The following IQSEC1 variants were observed in gnomAD, a reference collection of about 807,000 sequenced individuals.
IQSEC1 encodes the protein IQ motif and SEC7 domain-containing protein 1.
Under a neutral mutation model 91.0 loss-of-function variants are expected in IQSEC1, and 31 were observed. The ratio of observed to expected loss-of-function variants is 0.34; its 90% CI spans 0.26 to 0.46. The LOEUF (loss-of-function observed/expected upper bound fraction) is 0.46, where lower values mean the gene tolerates loss of function less well. Among genes scored for constraint, IQSEC1 ranks in the 20% least tolerant of loss-of-function variants. The pLI is 1.00. For synonymous variants in IQSEC1, 699 were observed against 662.6 expected, an observed-to-expected ratio of 1.05 and a Z score of -0.84; for missense variants, 1,388 against 1,575.6, an observed-to-expected ratio of 0.88 and a Z score of 2.02.
chr3:13,257,303 C>T (rs1207578656), intron 1 of IQSEC1, among the ~76,000 whole-genome samples: 3 of 152,198 alleles, frequency 2.0e-5, no homozygotes, highest in African/African-American at 7.2e-5. Context: ...GCATATGAGA[C>T]AGACAGACAG....
chr3:13,023,795 G>A (rs932673538), intron 1 of IQSEC1, among the ~76,000 whole-genome samples: 2 of 152,172 alleles, frequency 1.3e-5, no homozygotes, highest in Admixed American at 1.3e-4. Context: ...TGGGGGACTC[G>A]GAAACCCAAA....
rs571537770 is a variant in IQSEC1, at chr3:13,221,862, C to G, written c.273-57729G>C. Among the ~76,000 whole-genome samples, 16 of 152,370 alleles carry G rather than the reference C, an allele frequency of 1.1e-4. No individual in the cohort carries two copies. The South Asian group carries it at 3.3e-3, about 32-fold the overall frequency. On this transcript the variant is annotated intron_variant, in intron 1 of 15. Coordinates refer to the IQSEC1 transcript ENST00000648114. Reference sequence around the variant, plus strand: ...TTCATAAAGGACTCCAGGGCCTGATCTGGAAATTTAGTGTGCTCCGAAAAT... The same window carrying G: ...TTCATAAAGGACTCCAGGGCCTGATGTGGAAATTTAGTGTGCTCCGAAAAT...
intron 1 of IQSEC1, among the ~76,000 whole-genome samples, chr3:13,070,710 G>A (rs1197622272): frequency 6.6e-6 from 1 of 152,220 alleles, no homozygotes; most frequent in African/African-American, 2.4e-5. Flanking sequence ...GTGGCAGAGC[G>A]GGGATGGCCT....
At chr3:13,149,327 C>T (rs1448693243) in intron 2 of IQSEC1, among the ~76,000 whole-genome samples, 1 of 152,010 alleles carries the variant, frequency 6.6e-6, no homozygotes, top group South Asian at 2.1e-4. Flanking sequence ...TGAAAGCCGT[C>T]CTGAAGAGCA....
chr3:12,900,469 T>A lies in IQSEC1; in HGVS notation c.*514A>T, dbSNP rs959531234. The A allele has an allele frequency of 1.1e-3, 681 of 600,604 alleles. 1 individual carries two copies. Among genetic ancestry groups the A allele is most frequent in the Middle Eastern group, 2.6e-3 (3 of 1,170 alleles). The allele number at this position is 600,604 out of a possible 1,614,324, so 37.2% of individuals were successfully genotyped here. A position where few individuals can be genotyped will look rare whatever the true frequency, so the allele number is the denominator to read the frequency against. ...CTATACAGTATATATATATATATAT[T>A]TATATATTTATATATTTATATAAAG... On this transcript the variant is annotated 3_prime_UTR_variant, in exon 14 of 14. Transcript: ENST00000613206.
chr3:12,988,786 C>A (rs1174509648), intron 1 of IQSEC1, among the ~76,000 whole-genome samples: 1 of 152,196 alleles, frequency 6.6e-6, no homozygotes, highest in African/African-American at 2.4e-5. Context: ...TTTGTCCTTG[C>A]ACCCTTCTCT....
chr3:13,044,183 G>C (rs1704402053), intron 1 of IQSEC1, among the ~76,000 whole-genome samples: 1 of 152,230 alleles, frequency 6.6e-6, no homozygotes, highest in Non-Finnish European at 1.5e-5. Context: ...TGCTTCTAGA[G>C]CAATGGTTCT....
intron 6 of IQSEC1, among the ~76,000 whole-genome samples, chr3:12,918,320 C>T (rs188484265): frequency 2.4e-4 from 36 of 152,356 alleles, no homozygotes; most frequent in African/African-American, 8.4e-4. Flanking sequence ...GCCACCCTGT[C>T]ATCCAGAGAA....
chr3:13,059,508 A>G (rs1288665507), intron 1 of IQSEC1, among the ~76,000 whole-genome samples: 2 of 152,364 alleles, frequency 1.3e-5, no homozygotes, highest in East Asian at 3.9e-4. Flanking sequence ...CTGGAATCCC[A>G]GCACTTCAGG....
intron 1 of IQSEC1, among the ~76,000 whole-genome samples, chr3:12,943,542 C>T (rs868682460): frequency 7.2e-5 from 11 of 152,154 alleles, no homozygotes; most frequent in South Asian, 2.1e-4. Context: ...TCCCACGGGC[C>T]GGGGTGGAGG....
Position 12,958,650 on chromosome 3 carries a change from C to G in IQSEC1, c.24-16785G>C, listed in dbSNP as rs116660891. Among the ~76,000 whole-genome samples the G allele has an allele frequency of 9.5e-3, 1,452 of 152,342 alleles. 20 individuals carry two copies. The highest frequency in any genetic ancestry group is 0.033 in the African/African-American group (1,390 of 41,570). ...AGAGGTCTGAAGGAACATAGACCATCTGATTCCACACTAGCACCCATACCT... is the reference window on the plus strand; with the variant it reads ...AGAGGTCTGAAGGAACATAGACCATGTGATTCCACACTAGCACCCATACCT... On this transcript the variant is annotated intron_variant, in intron 1 of 13. Coordinates refer to ENST00000613206, the MANE Select transcript of IQSEC1 (RefSeq NM_001134382.3).
chr3:13,234,856 A>C (rs936794285), intron 1 of IQSEC1, among the ~76,000 whole-genome samples: 4 of 152,232 alleles, frequency 2.6e-5, no homozygotes, highest in African/African-American at 9.6e-5. Flanking sequence ...TCCCCGCATG[A>C]AAGCTAATAA....
chr3:13,109,840 C>T (rs1706211826), intron 2 of IQSEC1, among the ~76,000 whole-genome samples: 1 of 149,414 alleles, frequency 6.7e-6, no homozygotes, highest in Non-Finnish European at 1.5e-5. Context: ...TTCTTTATAG[C>T]GGTGCAAGAA....
At chr3:13,112,182 A>T (rs1275961144) in intron 2 of IQSEC1, among the ~76,000 whole-genome samples, 1 of 152,110 alleles carries the variant, frequency 6.6e-6, no homozygotes, top group Non-Finnish European at 1.5e-5. Flanking sequence ...ATGCAAACAC[A>T]CAGAGGGAGT....
chr3:12,999,214 C>T (rs991307791), intron 1 of IQSEC1, among the ~76,000 whole-genome samples: 2 of 152,126 alleles, frequency 1.3e-5, no homozygotes, highest in African/African-American at 2.4e-5. Flanking sequence ...AAGCATAAGA[C>T]GAGTACTAAG....
At chr3:12,902,655 CAACA>C (rs1222343114) in intron 13 of IQSEC1, 114 bp downstream of exon 13, 60 of 357,356 alleles carry the variant, frequency 1.7e-4, no homozygotes, top group African/African-American at 1.4e-3. Context: ...AAAAAAAAAA[CAACA>C]AAAAAAAAAC....
chr3:12,902,842 C>A lies in IQSEC1; in HGVS notation c.2756-20G>T. 2 of 1,603,914 alleles carry A rather than the reference C, an allele frequency of 1.2e-6. No individual in the cohort carries two copies. Among genetic ancestry groups the A allele is most frequent in the Non-Finnish European group, 1.7e-6 (2 of 1,170,862 alleles). ...GCTTCCCTGCCCAGAACATGCAATACCAGAAGTTAGACGCGGACATGAGGC... is the reference window on the plus strand; with the variant it reads ...GCTTCCCTGCCCAGAACATGCAATAACAGAAGTTAGACGCGGACATGAGGC... On this transcript the variant is annotated intron_variant, in intron 12 of 13. Coordinates refer to ENST00000613206, the MANE Select transcript of IQSEC1 (RefSeq NM_001134382.3).
chr3:13,003,299 A>G (rs866679331), intron 1 of IQSEC1, among the ~76,000 whole-genome samples: 2 of 150,522 alleles, frequency 1.3e-5, no homozygotes, highest in Non-Finnish European at 3.0e-5. Flanking sequence ...AAAAAAAAAA[A>G]GGAATGAAGT....
chr3:13,247,161 GTTGCTAA>G (rs2125110773), intron 1 of IQSEC1, among the ~76,000 whole-genome samples: 1 of 152,262 alleles, frequency 6.6e-6, no homozygotes, highest in South Asian at 2.1e-4. Context: ...GCAGGGGACG[GTTGCTAA>G]CTCATCCATA....
Sources: gnomAD v4.1 joint callset for allele counts (sites outside exome capture counted in the v4.1 genomes callset) on GRCh38, gnomAD v4.1.1 for gene constraint, MANE v1.5 for transcripts, NCBI Gene and HGNC (gene_info 2026-07-23, HGNC 2026-07-21) for gene names.